Variants in HMCN1 observed in about 807,000 individuals in gnomAD.
The protein encoded by HMCN1 is hemicentin-1.
A neutral mutation model predicts 625.9 loss-of-function variants in HMCN1; 321 were observed. That is an observed-to-expected ratio of 0.51 (90% CI 0.47 to 0.56). The LOEUF (loss-of-function observed/expected upper bound fraction) is 0.56, where lower values mean the gene tolerates loss of function less well. Ranked by LOEUF, HMCN1 falls within the 20% of genes least tolerant of loss-of-function variation. The pLI is 0.00. For synonymous variants in HMCN1, 2,425 were observed against 2,417.6 expected, an observed-to-expected ratio of 1.00 and a Z score of -0.09; for missense variants, 6,588 against 6,887.3, an observed-to-expected ratio of 0.96 and a Z score of 1.54.
chr1:186,037,857 T>G (rs1418532285), intron 36 of HMCN1, 77 bp from the exon 37 acceptor site: 1 of 886,886 alleles, frequency 1.1e-6, no homozygotes, highest in African/African-American at 1.7e-5. Flanking sequence ...AGAAAAATTA[T>G]AATTTTAATT....
At chr1:185,936,786 C>A (rs920493717) in intron 11 of HMCN1, among the ~76,000 whole-genome samples, 1 of 152,152 alleles carries the variant, frequency 6.6e-6, no homozygotes, top group African/African-American at 2.4e-5. Context: ...CAGAGGGGAG[C>A]ATCACATCTC....
At chr1:185,912,617 CTG>C (rs796125054) in intron 6 of HMCN1, among the ~76,000 whole-genome samples, 6 of 152,074 alleles carry the variant, frequency 3.9e-5, no homozygotes, top group African/African-American at 1.4e-4. Context: ...ATCTGCATTT[CTG>C]TGTCTTGGAG....
intron 11 of HMCN1, among the ~76,000 whole-genome samples, chr1:185,942,613 C>T (rs1668140808): frequency 6.6e-6 from 1 of 152,212 alleles, no homozygotes; most frequent in South Asian, 2.1e-4. Flanking sequence ...TGGTCAATTT[C>T]AATTTACAGC....
intron 29 of HMCN1, among the ~76,000 whole-genome samples, chr1:186,006,558 A>C (rs1024616223): frequency 3.3e-5 from 5 of 152,038 alleles, no homozygotes; most frequent in Non-Finnish European, 7.4e-5. Flanking sequence ...TTTTGACATA[A>C]ATATCTTTCA....
chr1:186,001,585 C>A lies in HMCN1; in HGVS notation c.4201-9C>A, dbSNP rs748273446. ...TTGGAAATAACACTGACCATTTTGG[C>A]CCTTAAAGGTGACTGAAAGCAGCAC... On this transcript the variant is annotated splice_polypyrimidine_tract_variant and intron_variant, in intron 27 of 106. Transcript: ENST00000271588. The A allele has an allele frequency of 2.5e-6, 4 of 1,612,740 alleles. No homozygotes were observed. Among genetic ancestry groups the A allele is most frequent in the Non-Finnish European group, 3.4e-6 (4 of 1,179,058 alleles).
intron 52 of HMCN1, among the ~76,000 whole-genome samples, chr1:186,073,765 A>G (rs1196372685): frequency 2.0e-5 from 3 of 151,910 alleles, no homozygotes; most frequent in East Asian, 1.9e-4. Flanking sequence ...TGCAAGGTCA[A>G]TGGATTGTGG....
Position 185,995,057 on chromosome 1 carries a change from G to T in HMCN1, c.3748G>T (p.Asp1250Tyr). 6.2e-7 allele frequency: 1 copy of T among 1,613,774 alleles called. No individual in the cohort carries two copies. Residue 1250 changes from aspartate to tyrosine, a missense_variant, in exon 24 of 107, where the codon GAT becomes TAT. Asp to Tyr is a radical substitution (Grantham distance 160). Around this residue, in one of 3 missense-constraint regions of HMCN1, gnomAD observed 4,628 missense variants for 4,853.1 expected, o/e 0.95. Coordinates refer to ENST00000271588, the MANE Select transcript of HMCN1 (RefSeq NM_031935.3). ...TGTTGCTACTAACATAGCAGGCACT[G>T]ATGAAACAGAGATAACGCTACATGT... is the stretch of plus-strand genomic sequence containing the variant. ...TCVATNIAGT[D>Y]ETEITLHVQE...
intron 26 of HMCN1, among the ~76,000 whole-genome samples, chr1:186,000,700 T>C (rs1306429736): frequency 1.3e-5 from 2 of 151,998 alleles, no homozygotes; most frequent in African/African-American, 4.8e-5. Context: ...TATATTCACA[T>C]TTTTCACCTT....
chr1:186,083,064 A>C, intron 57 of HMCN1, 103 bp downstream of exon 57: 1 of 566,864 alleles, frequency 1.8e-6, no homozygotes, highest in Non-Finnish European at 3.1e-6. Flanking sequence ...TAACTTAAAC[A>C]ATGTGAGGAG....
At chr1:185,784,066 C>G (rs990956894) in intron 1 of HMCN1, among the ~76,000 whole-genome samples, 1 of 152,232 alleles carries the variant, frequency 6.6e-6, no homozygotes, top group African/African-American at 2.4e-5. Context: ...TCGCCCCTCC[C>G]CCCGCCTCGC....
At chr1:185,782,993 C>T (rs1264787867) in intron 1 of HMCN1, among the ~76,000 whole-genome samples, 1 of 152,160 alleles carries the variant, frequency 6.6e-6, no homozygotes, top group Non-Finnish European at 1.5e-5. Flanking sequence ...CAATCAGACG[C>T]ACATTTGGTC....
At chr1:186,108,767 T>G (rs1018226192) in intron 71 of HMCN1, among the ~76,000 whole-genome samples, 170 bp downstream of exon 71, 1 of 152,222 alleles carries the variant, frequency 6.6e-6, no homozygotes, top group African/African-American at 2.4e-5. Context: ...ATTTGCTTTA[T>G]TATTTGCCTT....
At chr1:185,882,129 AT>A (rs1158577118) in intron 4 of HMCN1, among the ~76,000 whole-genome samples, 1 of 152,208 alleles carries the variant, frequency 6.6e-6, no homozygotes, top group Non-Finnish European at 1.5e-5. Flanking sequence ...AATTACATTT[AT>A]TTTTGTTTTA....
chr1:185,919,268 T>C (rs6675465), intron 6 of HMCN1, among the ~76,000 whole-genome samples: 16,292 of 152,048 alleles, frequency 0.11, 2,349 homozygotes, highest in African/African-American at 0.33. Context: ...CCCCATCAGG[T>C]TCATAACTCA....
At chr1:185,982,757 T>C (rs923016382) in intron 18 of HMCN1, among the ~76,000 whole-genome samples, 59 of 152,268 alleles carry the variant, frequency 3.9e-4, no homozygotes, top group African/African-American at 1.4e-3. Context: ...CCTAATTTTC[T>C]TGAGTAAGAA....
chr1:186,049,510 T>C (rs1656807060), intron 42 of HMCN1, among the ~76,000 whole-genome samples: 1 of 152,026 alleles, frequency 6.6e-6, no homozygotes, highest in Non-Finnish European at 1.5e-5. Context: ...AATTTTACCA[T>C]TTGTTACTAA....
intron 55 of HMCN1, among the ~76,000 whole-genome samples, chr1:186,080,331 A>G (rs1206100780): frequency 1.3e-5 from 2 of 152,194 alleles, no homozygotes; most frequent in African/African-American, 4.8e-5. Context: ...AAGATAAGGT[A>G]TATTTTTAAA....
chr1:185,961,031 T>C (rs149555233), intron 11 of HMCN1, among the ~76,000 whole-genome samples: 82 of 152,244 alleles, frequency 5.4e-4, no homozygotes, highest in Admixed American at 1.5e-3. Context: ...CGTGGAATAA[T>C]GAGGCTATCA....
chr1:186,166,556 T>C (rs1651892034), intron 99 of HMCN1, among the ~76,000 whole-genome samples: 1 of 152,200 alleles, frequency 6.6e-6, no homozygotes, highest in African/African-American at 2.4e-5. Flanking sequence ...GAGAAGTAAC[T>C]TCTTAAAAGC....
Sources: gnomAD v4.1 joint callset for allele counts (sites outside exome capture counted in the v4.1 genomes callset) on GRCh38, gnomAD v4.1.1 for gene constraint, gnomAD v4.1.1 regional missense constraint, MANE v1.5 for transcripts, NCBI Gene and HGNC (gene_info 2026-07-23, HGNC 2026-07-21) for gene names.